Variants in PHACTR1 observed in about 807,000 individuals in gnomAD.
The protein encoded by PHACTR1 is RPEL repeat containing 1.
In PHACTR1, 16 loss-of-function variants were observed where a neutral mutation model predicts 69.2. The ratio of observed to expected loss-of-function variants is 0.23; its 90% confidence interval spans 0.16 to 0.35. The LOEUF is 0.35. Among genes scored for constraint, PHACTR1 ranks in the 10% least tolerant of loss-of-function variants. The pLI is 1.00. For missense variants in PHACTR1, 510 were observed against 734.7 expected (o/e 0.69, Z 3.54); for synonymous variants, 312 against 284.5 (o/e 1.10, Z -0.97).
At chr6:13,181,404 G>A (rs768589906) in intron 6 of PHACTR1, among the ~76,000 whole-genome samples, 2 of 152,218 alleles carry the variant, frequency 1.3e-5, no homozygotes, top group Admixed American at 6.5e-5. Flanking sequence ...TTTCTGACTC[G>A]GCAGAACTTA....
At chr6:12,931,848 G>T (rs138183451) in intron 4 of PHACTR1, among the ~76,000 whole-genome samples, 2 of 151,990 alleles carry the variant, frequency 1.3e-5, no homozygotes, top group African/African-American at 4.8e-5. Flanking sequence ...CAGCTGGGAG[G>T]TTCAGCCAGC....
chr6:13,093,129 A>C (rs1341733870), intron 5 of PHACTR1, among the ~76,000 whole-genome samples: 5 of 152,350 alleles, frequency 3.3e-5, no homozygotes, highest in African/African-American at 1.2e-4. Context: ...ATCTTGGGCA[A>C]TATGTATCTA....
At chr6:12,781,750 T>TTCTGA (rs1770851984) in intron 4 of PHACTR1, among the ~76,000 whole-genome samples, 1 of 152,240 alleles carries the variant, frequency 6.6e-6, no homozygotes, top group Non-Finnish European at 1.5e-5. Context: ...GGTGTTCTGC[T>TTCTGA]TCTGATTGTC....
chr6:13,012,443 G>C (rs1440428938), intron 4 of PHACTR1, among the ~76,000 whole-genome samples: 1 of 152,208 alleles, frequency 6.6e-6, no homozygotes, highest in African/African-American at 2.4e-5. Flanking sequence ...TAGTGACAGT[G>C]CATTCTTTAA....
intron 4 of PHACTR1, among the ~76,000 whole-genome samples, chr6:12,778,124 C>G (rs1247185267): frequency 6.6e-6 from 1 of 152,160 alleles, no homozygotes; most frequent in Admixed American, 6.5e-5. Context: ...ATTATTGTGT[C>G]TCTGGCATTG....
intron 4 of PHACTR1, among the ~76,000 whole-genome samples, chr6:12,881,802 T>A (rs1357508013): frequency 6.6e-6 from 1 of 151,858 alleles, no homozygotes; most frequent in Non-Finnish European, 1.5e-5. Context: ...CTTGAATACG[T>A]GAATAAATAA....
At chr6:12,759,515 G>A (rs1282804465) in intron 4 of PHACTR1, among the ~76,000 whole-genome samples, 1 of 151,860 alleles carries the variant, frequency 6.6e-6, no homozygotes, top group Non-Finnish European at 1.5e-5. Flanking sequence ...GTCTAGACAT[G>A]AGTCAAGGTG....
At chr6:12,958,499 A>G (rs536861966) in intron 4 of PHACTR1, among the ~76,000 whole-genome samples, 3 of 152,342 alleles carry the variant, frequency 2.0e-5, no homozygotes, top group Admixed American at 2.0e-4. Flanking sequence ...CATAAGGGAT[A>G]GGCTTGGTGG....
At chr6:13,231,305 A>G (rs55896756) in intron 10 of PHACTR1, among the ~76,000 whole-genome samples, 1 of 12,264 alleles carries the variant, frequency 8.2e-5, no homozygotes, top group African/African-American at 4.4e-4. Context: ...AGCGAAAGAG[A>G]AGGAGGGAGG....
At chr6:12,984,554 T>A (rs1237403525) in intron 4 of PHACTR1, among the ~76,000 whole-genome samples, 1 of 152,198 alleles carries the variant, frequency 6.6e-6, no homozygotes, top group Non-Finnish European at 1.5e-5. Context: ...CTTAGGAACT[T>A]ATATCATTGT....
At chr6:13,190,494 C>T (rs1168210539) in intron 7 of PHACTR1, among the ~76,000 whole-genome samples, 2 of 152,070 alleles carry the variant, frequency 1.3e-5, no homozygotes, top group Non-Finnish European at 2.9e-5. Context: ...ATTCAGTCCA[C>T]AGCATGACTC....
rs73723389 is a variant in PHACTR1 at position 13,121,894 on chromosome 6, T to A, written c.416-38310T>A. Among the ~76,000 whole-genome samples, 193 of 152,296 alleles carry A rather than the reference T, an allele frequency of 1.3e-3. 2 individuals carry two copies. The highest frequency in any genetic ancestry group is 4.0e-3 in the African/African-American group (168 of 41,556). ...TCTTGGGAACAGGGACTTACTGAGT[T>A]CAGAAAATGCATCATGCAATGTGAA... On this transcript the variant is annotated intron_variant, in intron 5 of 14. Transcript: ENST00000332995.
At chr6:13,129,436 T>C (rs1251825838) in intron 5 of PHACTR1, among the ~76,000 whole-genome samples, 5 of 152,082 alleles carry the variant, frequency 3.3e-5, no homozygotes, top group African/African-American at 4.8e-5. Flanking sequence ...TAAGGACTTA[T>C]GTAAACTTAA....
intron 4 of PHACTR1, among the ~76,000 whole-genome samples, chr6:13,031,467 A>G (rs915678065): frequency 2.0e-5 from 3 of 152,246 alleles, no homozygotes; most frequent in African/African-American, 7.2e-5. Context: ...TAAGTCTACC[A>G]CTAGTTTAAT....
At chr6:12,977,552 A>C (rs1795045700) in intron 4 of PHACTR1, among the ~76,000 whole-genome samples, 1 of 152,210 alleles carries the variant, frequency 6.6e-6, no homozygotes, top group Non-Finnish European at 1.5e-5. Context: ...TGGAAGTAAA[A>C]CACTGGAATC....
chr6:12,832,560 T>C (rs1207035480), intron 4 of PHACTR1, among the ~76,000 whole-genome samples: 1 of 152,044 alleles, frequency 6.6e-6, no homozygotes, highest in African/African-American at 2.4e-5. Flanking sequence ...CCTTGGTAAC[T>C]GGGACACAAA....
intron 4 of PHACTR1, among the ~76,000 whole-genome samples, chr6:12,966,894 G>A (rs964787313): frequency 2.6e-5 from 4 of 152,126 alleles, no homozygotes; most frequent in African/African-American, 9.7e-5. Flanking sequence ...CAGAGGAGAA[G>A]CATGCTTATG....
chr6:13,125,538 C>G (rs1208463742), intron 5 of PHACTR1, among the ~76,000 whole-genome samples: 3 of 151,496 alleles, frequency 2.0e-5, no homozygotes, highest in Non-Finnish European at 4.4e-5. Flanking sequence ...CTCCCTCCAG[C>G]AAAGGAAAAA....
intron 4 of PHACTR1, among the ~76,000 whole-genome samples, chr6:12,974,379 C>T (rs1794614927): frequency 6.6e-6 from 1 of 152,168 alleles, no homozygotes; most frequent in Non-Finnish European, 1.5e-5. Flanking sequence ...CAGCATATCA[C>T]CATGGACTTT....
Sources: allele counts gnomAD v4.1 joint callset (sites outside exome capture counted in the v4.1 genomes callset), GRCh38; gene constraint gnomAD v4.1.1; transcripts MANE v1.5; gene names NCBI Gene and HGNC (gene_info 2026-07-23, HGNC 2026-07-21).